ADCY9: variants seen among roughly 807,000 people sequenced by gnomAD.
ADCY9 encodes adenylate cyclase 9, also known as adenylate cyclase type 9.
A neutral mutation model predicts 101.5 loss-of-function variants in ADCY9; 50 were observed. That is an observed-to-expected ratio of 0.49 (90% confidence interval 0.39 to 0.62). The LOEUF (loss-of-function observed/expected upper bound fraction) is 0.62, where lower values mean the gene tolerates loss of function less well. Among genes scored for constraint, ADCY9 ranks in the 20% least tolerant of loss-of-function variants. ADCY9 has a pLI of 0.00. For missense variants in ADCY9, 1,662 were observed against 1,800.4 expected (o/e 0.92, Z 1.39); for synonymous variants, 905 against 769.3 (o/e 1.18, Z -2.92).
intron 5 of ADCY9, among the ~76,000 whole-genome samples, chr16:3,991,796 G>A (rs1161513244): frequency 6.8e-6 from 1 of 146,800 alleles, no homozygotes; most frequent in African/African-American, 2.5e-5. Flanking sequence ...AAAGCCAGGC[G>A]TGGTGGCTCA....
At chr16:3,985,564 T>G (rs538208413) in intron 6 of ADCY9, among the ~76,000 whole-genome samples, 44 of 152,172 alleles carry the variant, frequency 2.9e-4, no homozygotes, top group Admixed American at 7.9e-4. Flanking sequence ...GGTGCATGCA[T>G]GTGATGTCCC....
intron 2 of ADCY9, among the ~76,000 whole-genome samples, chr16:4,029,675 G>A (rs2056541759): frequency 6.6e-6 from 1 of 152,192 alleles, no homozygotes; most frequent in Non-Finnish European, 1.5e-5. Context: ...AACCCGGGAG[G>A]TGGAGGTTGC....
At chr16:4,004,975 T>C (rs1292649118) in intron 3 of ADCY9, among the ~76,000 whole-genome samples, 2 of 152,100 alleles carry the variant, frequency 1.3e-5, no homozygotes, top group Non-Finnish European at 2.9e-5. Flanking sequence ...TATTGGTCCT[T>C]GGCATGAAAC....
chr16:3,973,665 C>A (rs2056070884), intron 10 of ADCY9, among the ~76,000 whole-genome samples: 1 of 151,616 alleles, frequency 6.6e-6, no homozygotes, highest in Non-Finnish European at 1.5e-5. Flanking sequence ...CTAATTTTTA[C>A]AATTTTTTGC....
intron 2 of ADCY9, among the ~76,000 whole-genome samples, chr16:4,068,286 T>A (rs17136755): frequency 0.14 from 20,939 of 151,580 alleles, 1,494 homozygotes; most frequent in Middle Eastern, 0.18. Flanking sequence ...TGGCTTTTTT[T>A]AAATCTGGTT....
chr16:4,007,192 G>A (rs2056372307), intron 3 of ADCY9, among the ~76,000 whole-genome samples, 176 bp downstream of exon 3: 2 of 152,190 alleles, frequency 1.3e-5, no homozygotes, highest in Non-Finnish European at 2.9e-5. Context: ...AAGCAAGGAT[G>A]TTAAAAATGC....
chr16:4,044,802 T>C (rs74736770), intron 2 of ADCY9, among the ~76,000 whole-genome samples: 8,181 of 152,252 alleles, frequency 0.054, 775 homozygotes, highest in African/African-American at 0.19. Flanking sequence ...GACCTAGCTC[T>C]GAGGCCACAT....
chr16:4,051,323 A>G (rs2141149312), intron 2 of ADCY9, among the ~76,000 whole-genome samples: 1 of 152,112 alleles, frequency 6.6e-6, no homozygotes, highest in South Asian at 2.1e-4. Flanking sequence ...CAGGGGATTG[A>G]GACCATCCTG....
chr16:4,003,766 A>C (rs1337395180), intron 3 of ADCY9, among the ~76,000 whole-genome samples: 1 of 151,984 alleles, frequency 6.6e-6, no homozygotes, highest in Non-Finnish European at 1.5e-5. Flanking sequence ...AGGCTTGAGA[A>C]GGGTCTTGCT....
chr16:3,959,783 T>C (rs1037719251), downstream of ADCY9, among the ~76,000 whole-genome samples: 7 of 152,154 alleles, frequency 4.6e-5, no homozygotes, highest in Non-Finnish European at 1.0e-4. Context: ...CCTAGCACTC[T>C]GTGAGGCCAA....
At chr16:3,971,092 G>T (rs914301543) in intron 10 of ADCY9, among the ~76,000 whole-genome samples, 1 of 152,076 alleles carries the variant, frequency 6.6e-6, no homozygotes, top group South Asian at 2.1e-4. Context: ...TTTCCTGCTG[G>T]AAGTCTGGAA....
Position 4,092,803 on chromosome 16 carries a change from C to A in ADCY9, c.1693+20947G>T, listed in dbSNP as rs551004450. Among the ~76,000 whole-genome samples the A allele has an allele frequency of 3.9e-5, 6 of 152,298 alleles. 1 individual carries two copies. The South Asian group carries it at 1.2e-3, about 32-fold the overall frequency. The stretch of plus-strand genomic sequence containing the variant: ...AGCCCTTTCCATCAAACGATATCTG[C>A]AGGCTGAACGAGCTTAATTACTTGT... On this transcript the variant is annotated intron_variant, in intron 2 of 10. Transcript: ENST00000294016.
intron 5 of ADCY9, among the ~76,000 whole-genome samples, chr16:3,989,353 C>T (rs1473423821): frequency 2.6e-5 from 3 of 113,852 alleles, no homozygotes; most frequent in African/African-American, 7.8e-5. Context: ...GATTATAGCA[C>T]ACATCATCAG....
At chr16:4,094,453 T>C (rs893184745) in intron 2 of ADCY9, among the ~76,000 whole-genome samples, 4 of 152,174 alleles carry the variant, frequency 2.6e-5, no homozygotes, top group Non-Finnish European at 4.4e-5. Flanking sequence ...GCAGCCTCTT[T>C]GCTGTTTGTT....
chr16:4,099,341 G>C (rs573853718), intron 2 of ADCY9, among the ~76,000 whole-genome samples: 6 of 152,142 alleles, frequency 3.9e-5, no homozygotes, highest in Non-Finnish European at 7.3e-5. Context: ...TCAATTGTAG[G>C]AATGCAAATT....
chr16:3,998,780 AAAGAAAAGAAAAGAAAAG>A (rs1449695036), intron 3 of ADCY9, among the ~76,000 whole-genome samples: 6 of 139,784 alleles, frequency 4.3e-5, no homozygotes, highest in East Asian at 2.0e-4. Flanking sequence ...AAAGAAAAGA[AAAGAAAAGAAAAGAAAAG>A]AAAAAAAGAG....
At chr16:4,059,222 C>T (rs554254923) in intron 2 of ADCY9, among the ~76,000 whole-genome samples, 1 of 151,560 alleles carries the variant, frequency 6.6e-6, no homozygotes, top group South Asian at 2.1e-4. Flanking sequence ...TCCATCTCTA[C>T]TAAAAAATAC....
chr16:4,011,346 G>A, intron 2 of ADCY9, among the ~76,000 whole-genome samples: 1 of 152,144 alleles, frequency 6.6e-6, no homozygotes, highest in East Asian at 1.9e-4. Context: ...GGGCCATCCT[G>A]GGAAGCCTCC....
At chr16:3,979,434 T>C (rs557217188) in intron 7 of ADCY9, among the ~76,000 whole-genome samples, 159 bp from the exon 8 acceptor site, 21 of 152,356 alleles carry the variant, frequency 1.4e-4, no homozygotes, top group Admixed American at 1.0e-3. Flanking sequence ...TCTACCTCCC[T>C]CACTTTTGGT....
Sources: gnomAD v4.1 joint callset for allele counts (sites outside exome capture counted in the v4.1 genomes callset) on GRCh38, gnomAD v4.1.1 for gene constraint, MANE v1.5 for transcripts, NCBI Gene and HGNC (gene_info 2026-07-23, HGNC 2026-07-21) for gene names.